The following NOTCH4 variants were observed in gnomAD, a reference collection of about 807,000 sequenced individuals.
NOTCH4 encodes notch receptor 4.
Under a neutral mutation model 189.0 loss-of-function variants are expected in NOTCH4, and 138 were observed. That is an observed-to-expected ratio of 0.73 (90% CI 0.64 to 0.84). The LOEUF (loss-of-function observed/expected upper bound fraction) is 0.84, where lower values mean the gene tolerates loss of function less well. Among genes scored for constraint, NOTCH4 ranks in the 40% least tolerant of loss-of-function variants. The pLI is 0.00. For synonymous variants in NOTCH4, 942 were observed against 1,032.8 expected (o/e 0.91, Z 1.69); for missense variants, 2,286 against 2,605.4 (o/e 0.88, Z 2.67).
At chr6:32,222,962 C>A in intron 2 of NOTCH4, 43 bp downstream of exon 2, 6 of 1,577,778 alleles carry the variant, frequency 3.8e-6, no homozygotes, top group Non-Finnish European at 5.2e-6. Flanking sequence ...TGCTCTCCCT[C>A]CCCCTTTCTC....
Position 32,197,531 on chromosome 6 carries a change from C to T in NOTCH4, c.4820G>A (p.Gly1607Glu), listed in dbSNP as rs1329447230. Residue 1607 changes from glycine (G) to glutamate (E), a missense_variant, in exon 27 of 30, where the codon GGG (glycine) becomes GAG (glutamate). By Grantham distance (98) the Gly-to-Glu change is moderately conservative. Around this residue, in one of 2 missense-constraint regions of NOTCH4, gnomAD observed 1,903 missense variants for 2,261.9 expected, o/e 0.84. Coordinates refer to ENST00000375023, the MANE Select transcript of NOTCH4 (RefSeq NM_004557.4). ...GGGCTCAGGACATCCCAACCATGCC[C>T]CTTGGAAGGTCCCGGACTGTACTTC... The part of the protein sequence containing the change: ...CGEVQSGTFQ[G>E]AWLGCPEPWE... The T allele has an allele frequency of 1.2e-6, 2 of 1,612,166 alleles. No individual in the cohort carries two copies. The highest frequency in any genetic ancestry group is 2.7e-5 in the African/African-American group (2 of 74,866).
intron 11 of NOTCH4, chr6:32,216,644 T>C (rs1789428872): frequency 9.6e-6 from 5 of 520,090 alleles, no homozygotes; most frequent in Non-Finnish European, 1.7e-5. Flanking sequence ...GTATCTGGCA[T>C]AGTAGGCAGT....
At position 32,210,764 on chromosome 6, in the gene NOTCH4, C is replaced by T. The variant is rs1259602861; in HGVS notation, c.2853G>A (p.Gly951=). The T allele has an allele frequency of 1.2e-6, 2 of 1,612,540 alleles. No homozygotes were observed. Among genetic ancestry groups the T allele is most frequent in the Admixed American group, 1.7e-5 (1 of 60,022 alleles). ...CAGACCCTCTCACCTGGCAGAGATACCCACTGGGCTGGGCCATGCAGGTGG... is the reference window on the plus strand; with the variant it reads ...CAGACCCTCTCACCTGGCAGAGATATCCACTGGGCTGGGCCATGCAGGTGG... ...NGATCMAQPS[G]YLCQCAPGYD... Residue 951 remains glycine, a synonymous_variant, in exon 18 of 30, where the codon GGG becomes GGA. Transcript: ENST00000375023. The surrounding 1 kb of genome is among the most constrained non-coding windows in gnomAD (Gnocchi z 4.8).
chr6:32,207,639 C>A (rs201063827), intron 18 of NOTCH4, among the ~76,000 whole-genome samples: 3,122 of 75,052 alleles, frequency 0.042, 106 homozygotes, highest in African/African-American at 0.14. Flanking sequence ...CCCCCCCCCC[C>A]AAAAAAAAAG....
At chr6:32,215,125 G>T in intron 12 of NOTCH4, 101 bp downstream of exon 12, 3 of 1,113,902 alleles carry the variant, frequency 2.7e-6, no homozygotes, top group Non-Finnish European at 3.7e-6. Flanking sequence ...TTTCCCCATT[G>T]GTCATTTCTC....
intron 18 of NOTCH4, among the ~76,000 whole-genome samples, chr6:32,206,374 T>G (rs1788678007): frequency 6.6e-6 from 1 of 152,150 alleles, no homozygotes; most frequent in Non-Finnish European, 1.5e-5. Context: ...AAAATCAATG[T>G]AGAAAAAGTA....
chr6:32,215,370 A>G lies in NOTCH4; in HGVS notation c.1877T>C (p.Val626Ala), dbSNP rs1789336052. Residue 626 changes from valine to alanine, a missense_variant, in exon 12 of 30, where the codon GTT (valine) becomes GCT (alanine). Val to Ala is a moderately conservative substitution (Grantham distance 64). Coordinates refer to ENST00000375023, the MANE Select transcript of NOTCH4 (RefSeq NM_004557.4). Reference protein sequence around the residue: ...PSGFTGQLCEVPLCAPNLCQP... With the variant: ...PSGFTGQLCEAPLCAPNLCQP... Reference sequence around the variant, plus strand: ...GCACAGGTTGGGAGCACACAGGGGAACCTCACAGAGCTGGCCTGGGGTGGG... The same window carrying G: ...GCACAGGTTGGGAGCACACAGGGGAGCCTCACAGAGCTGGCCTGGGGTGGG... 6.2e-7 allele frequency: 1 copy of G among 1,610,038 alleles called. No individual in the cohort carries two copies. The highest frequency in any genetic ancestry group is 1.3e-5 in the African/African-American group (1 of 74,858).
chr6:32,199,775 G>A lies in NOTCH4; in HGVS notation c.4316-630C>T, dbSNP rs1186116648. On this transcript the variant is annotated intron_variant, in intron 23 of 29. Coordinates refer to ENST00000375023, the MANE Select transcript of NOTCH4 (RefSeq NM_004557.4). The surrounding 1 kb of genome is among the most constrained non-coding windows in gnomAD (Gnocchi z 4.9). Reference sequence around the variant, plus strand: ...ATGCCATTGTAATTCCAGCTACTCAGTAGTCTGAAGCAAGAGAATTGCTTA... The same window carrying A: ...ATGCCATTGTAATTCCAGCTACTCAATAGTCTGAAGCAAGAGAATTGCTTA... Among the ~76,000 whole-genome samples, 1 of 152,156 alleles carries A rather than the reference G, an allele frequency of 6.6e-6. No homozygotes were observed. Among genetic ancestry groups the A allele is most frequent in the East Asian group, 1.9e-4 (1 of 5,196 alleles).
chr6:32,222,965 CCT>C, intron 2 of NOTCH4, 38 bp downstream of exon 2: 3 of 1,585,386 alleles, frequency 1.9e-6, no homozygotes, highest in Non-Finnish European at 2.6e-6. Context: ...TCTCCCTCCC[CCT>C]TTCTCTCCAG....
Position 32,198,811 on chromosome 6 carries a change from C to T in NOTCH4, c.4536-81G>A, listed in dbSNP as rs899773003. The T allele has an allele frequency of 1.1e-5, 17 of 1,490,550 alleles. No homozygotes were observed. The African/African-American group carries it at 1.5e-4, about 14-fold the overall frequency. The allele number at this position is 1,490,550 out of a possible 1,614,324, so 92.3% of individuals were successfully genotyped here. ...AAAATTTCCAGCAGGCTTCCCACCC[C>T]TCTCTCCTTCCCCTATCTTTGACTT... is the stretch of plus-strand genomic sequence containing the variant. On this transcript the variant is annotated intron_variant, in intron 24 of 29. Transcript: ENST00000375023. The surrounding 1 kb of genome is among the most constrained non-coding windows in gnomAD (Gnocchi z 5.5).
chr6:32,221,358 C>T lies in NOTCH4; in HGVS notation c.452-33G>A, dbSNP rs1789770472. 6.5e-7 allele frequency: 1 copy of T among 1,544,258 alleles called. No individual in the cohort carries two copies. The highest frequency in any genetic ancestry group is 1.7e-5 in the Admixed American group (1 of 57,704). ...AGAGGACAGAGGGAGCCGTTTCTAG[C>T]ATTGTACGAATTCTAGCCCATCTGA... On this transcript the variant is annotated intron_variant, in intron 3 of 29. Transcript: ENST00000375023. The surrounding 1 kb of genome is among the most constrained non-coding windows in gnomAD (Gnocchi z 4.3).
intron 14 of NOTCH4, 47 bp downstream of exon 14, chr6:32,213,641 T>C: frequency 6.3e-7 from 1 of 1,591,844 alleles, no homozygotes. Flanking sequence ...TCCTTAGTTC[T>C]TCCATTCTCC....
At position 32,198,787 on chromosome 6, in the gene NOTCH4, A is replaced by G; in HGVS notation, c.4536-57T>C. 6.5e-7 allele frequency: 1 copy of G among 1,539,206 alleles called. No homozygotes were observed. Among genetic ancestry groups the G allele is most frequent in the Non-Finnish European group, 8.8e-7 (1 of 1,140,962 alleles). ...GGAATTATGACCATCAGGGTCTCCAAAATTTCCAGCAGGCTTCCCACCCCT... is the reference window on the plus strand; with the variant it reads ...GGAATTATGACCATCAGGGTCTCCAGAATTTCCAGCAGGCTTCCCACCCCT... On this transcript the variant is annotated intron_variant, in intron 24 of 29. Transcript: ENST00000375023. The surrounding 1 kb of genome is among the most constrained non-coding windows in gnomAD (Gnocchi z 5.5).
At chr6:32,220,088 GTC>G in intron 7 of NOTCH4, 39 bp downstream of exon 7, 1 of 1,597,500 alleles carries the variant, frequency 6.3e-7, no homozygotes, top group Non-Finnish European at 8.5e-7. Flanking sequence ...GCAGAGGCCT[GTC>G]TGAGGCTCAG....
At position 32,195,815 on chromosome 6, in the gene NOTCH4, C is replaced by A. The variant is rs779655015; in HGVS notation, c.5634G>T (p.Gln1878His). The part of the protein sequence containing the change: ...AGPRGGGACL[Q>H]ARTWSVDLAA... ...CCAAGTCTACGGACCAAGTCCGAGC[C>A]TGCAGACAAGCTCCGCCCCCACGAG... The change falls in exon 30 of 30, where the codon CAG becomes CAT. Residue 1878 changes from glutamine (Q) to histidine (H), a missense_variant. Coordinates refer to ENST00000375023, the MANE Select transcript of NOTCH4 (RefSeq NM_004557.4). This position sits in a 1 kb window ranked among gnomAD's most constrained non-coding sequence, Gnocchi z 5.4. The A allele has an allele frequency of 6.2e-6, 10 of 1,601,560 alleles. No individual in the cohort carries two copies. The highest frequency in any genetic ancestry group is 8.5e-6 in the Non-Finnish European group (10 of 1,179,208).
In NOTCH4 at chr6:32,201,163, G is replaced by T; in HGVS notation, c.4093C>A (p.Pro1365Thr). 6.2e-7 allele frequency: 1 copy of T among 1,612,726 alleles called. No homozygotes were observed. The highest frequency in any genetic ancestry group is 8.5e-7 in the Non-Finnish European group (1 of 1,179,860). Reference sequence around the variant, plus strand: ...TCCTTGCCCAGGGGCTGCGTTTGAGGGGCTGCTCTCTCCTGATAGGTGGGG... The same window carrying T: ...TCCTTGCCCAGGGGCTGCGTTTGAGTGGCTGCTCTCTCCTGATAGGTGGGG... ...RDPTYQERAA[P>T]QTQPLGKETD... Residue 1365 changes from proline (P) to threonine (T), a missense_variant, in exon 22 of 30, where the codon CCT becomes ACT. Pro to Thr is a conservative substitution (Grantham distance 38). Transcript: ENST00000375023. The surrounding 1 kb of genome is among the most constrained non-coding windows in gnomAD (Gnocchi z 5.5).
rs1448242819 is a variant in NOTCH4, at chr6:32,217,907, C to T, written c.1624+88G>A. On this transcript the variant is annotated intron_variant, in intron 9 of 29. Transcript: ENST00000375023. The surrounding 1 kb of genome is among the most constrained non-coding windows in gnomAD (Gnocchi z 4.2). ...TCCTTGGCTTGGCTAGAGAGAGCTT[C>T]AAGTGGCCTTGGGTGATTGCTGAGC... The T allele has an allele frequency of 1.2e-6, 1 of 831,388 alleles. No individual in the cohort carries two copies. Among genetic ancestry groups the T allele is most frequent in the Non-Finnish European group, 2.0e-6 (1 of 494,968 alleles). 51.5% of individuals were successfully genotyped at this position (831,388 alleles called of 1,614,324 possible). A position where few individuals can be genotyped will look rare whatever the true frequency, so the allele number is the denominator to read the frequency against.
rs1029277574 is a variant in NOTCH4 at position 32,213,910 on chromosome 6, C to T, written c.2168-70G>A. 4.5e-6 allele frequency: 7 copies of T among 1,549,436 alleles called. No homozygotes were observed. In the East Asian group the frequency reaches 1.4e-4, roughly 30 times the overall value. Reference sequence around the variant, plus strand: ...TCCCTCCGCTCTCCTTCTCTTTCCTCTTCCTTCCCTTCCTCATCCCCAACC... The same window carrying T: ...TCCCTCCGCTCTCCTTCTCTTTCCTTTTCCTTCCCTTCCTCATCCCCAACC... On this transcript the variant is annotated intron_variant, in intron 13 of 29. Transcript: ENST00000375023.
At chr6:32,209,142 G>A (rs1788864502) in intron 18 of NOTCH4, among the ~76,000 whole-genome samples, 1 of 152,204 alleles carries the variant, frequency 6.6e-6, no homozygotes, top group African/African-American at 2.4e-5. Flanking sequence ...AGTGAAATAA[G>A]CCAGGCACGG....
Sources: gnomAD v4.1 joint callset for allele counts (sites outside exome capture counted in the v4.1 genomes callset) on GRCh38, gnomAD v4.1.1 for gene constraint, gnomAD v4.1.1 regional missense constraint, Gnocchi (gnomAD v3.1) non-coding constraint, MANE v1.5 for transcripts, NCBI Gene and HGNC (gene_info 2026-07-23, HGNC 2026-07-21) for gene names.